The following NCOA2 variants were observed in gnomAD, a reference collection of about 807,000 sequenced individuals.
NCOA2 encodes the protein nuclear receptor coactivator 2, also known as class E basic helix-loop-helix protein 75.
Under a neutral mutation model 145.1 loss-of-function variants are expected in NCOA2, and 21 were observed. That is an observed-to-expected ratio of 0.14 (90% confidence interval 0.10 to 0.21). The LOEUF (loss-of-function observed/expected upper bound fraction) is 0.21. NCOA2 is among the 10% of genes least tolerant of loss of function. The pLI, the probability that NCOA2 is intolerant of heterozygous loss-of-function variation, is 1.00. For synonymous variants in NCOA2, 619 were observed against 637.5 expected, an observed-to-expected ratio of 0.97 and a Z score of 0.44; for missense variants, 1,472 against 1,837.6, an observed-to-expected ratio of 0.80 and a Z score of 3.64.
chr8:70,296,991 C>A (rs1261985587), intron 1 of NCOA2, among the ~76,000 whole-genome samples, 191 bp from the exon 2 acceptor site: 3 of 152,184 alleles, frequency 2.0e-5, no homozygotes, highest in Admixed American at 2.0e-4. Context: ...TGCTGCATTA[C>A]TTTTATTTGT....
intron 4 of NCOA2, among the ~76,000 whole-genome samples, chr8:70,188,130 T>G (rs1019338190): frequency 2.6e-5 from 4 of 152,236 alleles, no homozygotes; most frequent in Non-Finnish European, 4.4e-5. Context: ...CTTTTTTTTG[T>G]AGACTGATAG....
chr8:70,392,458 G>A (rs986311607), intron 1 of NCOA2, among the ~76,000 whole-genome samples: 1 of 152,148 alleles, frequency 6.6e-6, no homozygotes, highest in African/African-American at 2.4e-5. Context: ...GGAGAAATTT[G>A]GGAAGAACGT....
At position 70,387,069 on chromosome 8, in the gene NCOA2, T is replaced by C. The variant is rs938312136; in HGVS notation, c.-77+16631A>G. On this transcript the variant is annotated intron_variant, in intron 1 of 22. Transcript: ENST00000452400. ...GGGTTAATTTTTCTTTTATTTTTGG[T>C]AGAGATGGGGTCTCGCTTTAACGCC... Among the ~76,000 whole-genome samples the C allele has an allele frequency of 5.9e-5, 9 of 152,274 alleles. No individual in the cohort carries two copies. The South Asian group carries it at 1.2e-3, about 21-fold the overall frequency.
At chr8:70,426,724 T>C in the NCOA2 span, among the ~76,000 whole-genome samples, 10 of 152,178 alleles carry the variant, frequency 6.6e-5, no homozygotes, top group Admixed American at 2.6e-4. Context: ...ACTCAAAAAA[T>C]AGAGCTGAAA....
At chr8:70,117,400 C>A (rs187366118) in intron 22 of NCOA2, among the ~76,000 whole-genome samples, 1 of 152,374 alleles carries the variant, frequency 6.6e-6, no homozygotes, top group East Asian at 1.9e-4. Flanking sequence ...CCAAAAGATT[C>A]ATTCCCTTCC....
chr8:70,350,070 C>T (rs1809032605), intron 1 of NCOA2, among the ~76,000 whole-genome samples: 1 of 152,080 alleles, frequency 6.6e-6, no homozygotes, highest in Non-Finnish European at 1.5e-5. Context: ...TAGCCAGACA[C>T]TTCATTATTT....
intron 11 of NCOA2, among the ~76,000 whole-genome samples, chr8:70,154,920 T>A (rs934695662): frequency 1.3e-5 from 2 of 152,200 alleles, no homozygotes; most frequent in South Asian, 4.1e-4. Flanking sequence ...TGAAAATCAC[T>A]AATAGATTTT....
chr8:70,114,522 C>T (rs2131168825), intron 22 of NCOA2, among the ~76,000 whole-genome samples: 1 of 152,330 alleles, frequency 6.6e-6, no homozygotes, highest in East Asian at 1.9e-4. Flanking sequence ...AATTCAGCAT[C>T]TATTACATGC....
chr8:70,252,012 A>G (rs1443427829), intron 2 of NCOA2, among the ~76,000 whole-genome samples: 2 of 152,200 alleles, frequency 1.3e-5, no homozygotes, highest in African/African-American at 4.8e-5. Context: ...CAGACTTTAA[A>G]TCATTTATAG....
chr8:70,439,848 C>A, the NCOA2 span, among the ~76,000 whole-genome samples: 1 of 152,178 alleles, frequency 6.6e-6, no homozygotes, highest in African/African-American at 2.4e-5. Context: ...TGTCAGAGGG[C>A]CTGCCGTGTG....
At chr8:70,387,596 T>G (rs933672625) in intron 1 of NCOA2, among the ~76,000 whole-genome samples, 1 of 151,666 alleles carries the variant, frequency 6.6e-6, no homozygotes, top group Admixed American at 6.6e-5. Context: ...GCTCCTCTTA[T>G]AATGTGTCTT....
At chr8:70,429,978 G>A in the NCOA2 span, among the ~76,000 whole-genome samples, 7 of 152,020 alleles carry the variant, frequency 4.6e-5, no homozygotes, top group African/African-American at 1.7e-4. Flanking sequence ...TCAGCCTTCC[G>A]AGCAGCAGGG....
chr8:70,323,068 A>G (rs1374773892), intron 1 of NCOA2, among the ~76,000 whole-genome samples: 1 of 152,204 alleles, frequency 6.6e-6, no homozygotes, highest in Non-Finnish European at 1.5e-5. Flanking sequence ...TCTGCTAATT[A>G]CTGAGTCAGA....
chr8:70,297,742 A>C (rs1234463000), intron 1 of NCOA2, among the ~76,000 whole-genome samples: 1 of 152,232 alleles, frequency 6.6e-6, no homozygotes, highest in Non-Finnish European at 1.5e-5. Context: ...AATGAGGGCA[A>C]CTGTTTGCAA....
chr8:70,326,665 G>A (rs1163660198), intron 1 of NCOA2, among the ~76,000 whole-genome samples: 2 of 152,132 alleles, frequency 1.3e-5, no homozygotes, highest in Admixed American at 6.6e-5. Flanking sequence ...GTGATCCAGT[G>A]TTGAAGATTT....
chr8:70,228,937 G>A (rs946184974), intron 2 of NCOA2, among the ~76,000 whole-genome samples: 6 of 152,176 alleles, frequency 3.9e-5, no homozygotes, highest in African/African-American at 7.2e-5. Flanking sequence ...GAGACACCAC[G>A]ACACAGTATA....
chr8:70,239,149 A>G (rs1235618148), intron 2 of NCOA2, among the ~76,000 whole-genome samples: 2 of 152,120 alleles, frequency 1.3e-5, no homozygotes, highest in African/African-American at 4.8e-5. Context: ...ATATAATTTC[A>G]ACTGCCTTGA....
At chr8:70,133,795 T>C (rs930190176) in intron 15 of NCOA2, among the ~76,000 whole-genome samples, 2 of 152,236 alleles carry the variant, frequency 1.3e-5, no homozygotes, top group African/African-American at 4.8e-5. Flanking sequence ...TAATATGCTA[T>C]TTTGGCTTAG....
chr8:70,154,571 A>AT (rs947175454), intron 11 of NCOA2, among the ~76,000 whole-genome samples: 1 of 151,942 alleles, frequency 6.6e-6, no homozygotes, highest in Admixed American at 6.6e-5. Context: ...CACCTAGCTA[A>AT]TTTTTTATGT....
Sources: allele counts gnomAD v4.1 joint callset (sites outside exome capture counted in the v4.1 genomes callset), GRCh38; gene constraint gnomAD v4.1.1; transcripts MANE v1.5; gene names NCBI Gene and HGNC (gene_info 2026-07-23, HGNC 2026-07-21).